DCDC2: variants seen among roughly 807,000 people sequenced by gnomAD.
DCDC2 encodes doublecortin domain containing 2.
Under a neutral mutation model 50.2 loss-of-function variants are expected in DCDC2, and 40 were observed. The ratio of observed to expected loss-of-function variants is 0.80; its 90% CI spans 0.62 to 1.04. The LOEUF is 1.04. Among genes scored for constraint, DCDC2 ranks in the 50% least tolerant of loss-of-function variants. The pLI is 0.00. For synonymous variants in DCDC2, 234 were observed against 210.6 expected (o/e 1.11, Z -0.96); for missense variants, 570 against 581.9 (o/e 0.98, Z 0.21).
intron 2 of DCDC2, among the ~76,000 whole-genome samples, chr6:24,325,093 C>A (rs1050652714): frequency 6.6e-6 from 1 of 152,218 alleles, no homozygotes. Context: ...CAGAGGTTCC[C>A]TGAAGAGACC....
chr6:24,242,988 C>G (rs1762596394), intron 7 of DCDC2, among the ~76,000 whole-genome samples: 1 of 151,606 alleles, frequency 6.6e-6, no homozygotes, highest in Non-Finnish European at 1.5e-5. Flanking sequence ...GGAAAGAAGA[C>G]ACGAACAAAG....
chr6:24,218,911 C>A (rs191436016), intron 7 of DCDC2, among the ~76,000 whole-genome samples: 1 of 152,200 alleles, frequency 6.6e-6, no homozygotes, highest in East Asian at 1.9e-4. Context: ...AGGAATAATT[C>A]TGGCTTCTTA....
chr6:24,271,944 A>G (rs1005698069), intron 7 of DCDC2, among the ~76,000 whole-genome samples: 1 of 152,124 alleles, frequency 6.6e-6, no homozygotes, highest in Admixed American at 6.5e-5. Context: ...TTCAAACTCA[A>G]CCCTGGGCTA....
At chr6:24,372,150 G>A in the DCDC2 span, among the ~76,000 whole-genome samples, 6 of 152,242 alleles carry the variant, frequency 3.9e-5, no homozygotes, top group African/African-American at 1.2e-4. Context: ...GGCCGGGCGC[G>A]GTGGCTCACG....
chr6:24,279,455 C>T (rs1026261073), intron 6 of DCDC2, among the ~76,000 whole-genome samples: 3 of 152,150 alleles, frequency 2.0e-5, no homozygotes, highest in Non-Finnish European at 4.4e-5. Context: ...CTGGTACATG[C>T]CTGTAGCCCC....
At chr6:24,222,179 C>G (rs2113776356) in intron 7 of DCDC2, among the ~76,000 whole-genome samples, 1 of 152,046 alleles carries the variant, frequency 6.6e-6, no homozygotes, top group Admixed American at 6.5e-5. Flanking sequence ...TTTGGAGGAA[C>G]AAGAGAGAAG....
At chr6:24,245,860 T>C (rs753694875) in intron 7 of DCDC2, among the ~76,000 whole-genome samples, 1 of 152,112 alleles carries the variant, frequency 6.6e-6, no homozygotes, top group African/African-American at 2.4e-5. Context: ...CAACTAGAAC[T>C]ACTAGAAATG....
chr6:24,260,806 G>C (rs1762991630), intron 7 of DCDC2, among the ~76,000 whole-genome samples: 1 of 152,214 alleles, frequency 6.6e-6, no homozygotes, highest in Non-Finnish European at 1.5e-5. Flanking sequence ...AAAATATGGA[G>C]ACCATTTGTC....
chr6:24,212,956 T>C (rs1264784453), intron 7 of DCDC2, among the ~76,000 whole-genome samples: 1 of 152,206 alleles, frequency 6.6e-6, no homozygotes, highest in Non-Finnish European at 1.5e-5. Context: ...TTTCTGCAAC[T>C]AGGACAGCTG....
chr6:24,372,769 G>A, the DCDC2 span, among the ~76,000 whole-genome samples: 1 of 152,062 alleles, frequency 6.6e-6, no homozygotes, highest in African/African-American at 2.4e-5. Flanking sequence ...CCAGTCGTGG[G>A]GTGGGGAGAG....
intron 2 of DCDC2, among the ~76,000 whole-genome samples, chr6:24,342,905 T>G (rs1457122504): frequency 6.6e-6 from 1 of 152,142 alleles, no homozygotes. Flanking sequence ...TTTCCAACAT[T>G]TTTACTCTTT....
intron 2 of DCDC2, among the ~76,000 whole-genome samples, chr6:24,332,681 G>GT (rs987214954): frequency 1.4e-4 from 22 of 151,862 alleles, no homozygotes; most frequent in Non-Finnish European, 2.8e-4. Context: ...CAGTTTGTTT[G>GT]TTTTTTTTAA....
At chr6:24,364,346 T>C in the DCDC2 span, among the ~76,000 whole-genome samples, 1 of 152,176 alleles carries the variant, frequency 6.6e-6, no homozygotes, top group Non-Finnish European at 1.5e-5. Context: ...GAGCATAACA[T>C]ACTGCAGCCT....
Position 24,274,605 on chromosome 6 carries a change from CAAAAAAAAAAA to C in DCDC2, c.922+3433_922+3443del, listed in dbSNP as rs61569208. ...TTACTATTACAGGGAGAAACAGAGT[CAAAAAAAAAAA>C]AAAAAAAAAAAAAGAAGAAAAGAAA... is the stretch of plus-strand genomic sequence containing the variant. On this transcript the variant is annotated intron_variant, in intron 7 of 9. Transcript: ENST00000378454. 2.5e-3 allele frequency among the ~76,000 whole-genome samples: 208 copies of C among 82,416 alleles called. 3 individuals carry two copies. In the East Asian group the frequency reaches 0.058, roughly 23 times the overall value. 54.1% of individuals were successfully genotyped at this position (82,416 alleles called of 152,430 possible).
At chr6:24,227,214 C>T (rs1231114008) in intron 7 of DCDC2, among the ~76,000 whole-genome samples, 5 of 152,092 alleles carry the variant, frequency 3.3e-5, no homozygotes, top group African/African-American at 4.8e-5. Context: ...AACAGAGGTG[C>T]CTTTTTGAGA....
At chr6:24,374,223 A>C in the DCDC2 span, among the ~76,000 whole-genome samples, 1 of 151,574 alleles carries the variant, frequency 6.6e-6, no homozygotes, top group African/African-American at 2.4e-5. Flanking sequence ...GTTGGAATCT[A>C]GATGTTTGTT....
chr6:24,233,591 T>C (rs1005353759), intron 7 of DCDC2, among the ~76,000 whole-genome samples: 4 of 152,190 alleles, frequency 2.6e-5, no homozygotes, highest in Admixed American at 1.3e-4. Flanking sequence ...AAAATAGCCA[T>C]GTAAAAGTGT....
At chr6:24,288,367 A>C (rs1763663174) in intron 6 of DCDC2, among the ~76,000 whole-genome samples, 3 of 152,246 alleles carry the variant, frequency 2.0e-5, no homozygotes, top group African/African-American at 7.2e-5. Flanking sequence ...GTATTTAATA[A>C]ATGTTTGCTG....
intron 7 of DCDC2, among the ~76,000 whole-genome samples, chr6:24,244,531 A>G (rs1271165393): frequency 1.3e-5 from 2 of 152,186 alleles, no homozygotes; most frequent in Non-Finnish European, 2.9e-5. Context: ...GTTCAGTGAG[A>G]AAAACAAATT....
Sources: allele counts gnomAD v4.1 joint callset (sites outside exome capture counted in the v4.1 genomes callset), GRCh38; gene constraint gnomAD v4.1.1; transcripts MANE v1.5; gene names NCBI Gene and HGNC (gene_info 2026-07-23, HGNC 2026-07-21).